The following SLC46A2 variants were observed in gnomAD, a reference collection of about 807,000 sequenced individuals.
SLC46A2 encodes thymic stromal co-transporter.
In SLC46A2, 25 loss-of-function variants were observed where a neutral mutation model predicts 33.1. The ratio of observed to expected loss-of-function variants is 0.76; its 90% CI spans 0.55 to 1.06. SLC46A2 has a LOEUF of 1.06. Among genes scored for constraint, SLC46A2 ranks in the 50% least tolerant of loss-of-function variants. SLC46A2 has a pLI of 0.00. For missense variants in SLC46A2, 622 were observed against 621.7 expected (o/e 1.00, Z 0.00); for synonymous variants, 254 against 275.9 (o/e 0.92, Z 0.79).
rs186751694 is a variant in SLC46A2 at position 112,887,329 on chromosome 9, C to T, written c.1213+1G>A. 2.0e-5 allele frequency: 32 copies of T among 1,611,544 alleles called. No homozygotes were observed. The Admixed American group carries it at 3.7e-4, about 19-fold the overall frequency. ...CCAGAGAGATTCTGTTCACTACTCA[C>T]CATAAGAGGAGCCCTTTATGAGTTT... is the stretch of plus-strand genomic sequence containing the variant. On this transcript the variant is annotated splice_donor_variant, in intron 2 of 3. Coordinates refer to ENST00000374228, the MANE Select transcript of SLC46A2 (RefSeq NM_033051.4). LOFTEE classifies it high-confidence loss of function.
At position 112,889,712 on chromosome 9, in the gene SLC46A2, T is replaced by C. The variant is rs372648155; in HGVS notation, c.970A>G (p.Met324Val). 4 of 1,613,944 alleles carry C rather than the reference T, an allele frequency of 2.5e-6. No homozygotes were observed. Among genetic ancestry groups the C allele is most frequent in the Non-Finnish European group, 3.4e-6 (4 of 1,179,992 alleles). ...ATGAAGATGGTGTACCCTGCAGCCA[T>C]ACCATAGCCCACCTGCACTTGGTTC... ...GWNQVQVGYGMAAGYTIFITS... is the reference protein window; with the variant it reads ...GWNQVQVGYGVAAGYTIFITS... The change falls in exon 1 of 4, where the codon ATG becomes GTG. Residue 324 changes from methionine (M) to valine (V), a missense_variant. Met to Val is a conservative substitution (Grantham distance 21). Transcript: ENST00000374228.
chr9:112,886,661 G>T, intron 2 of SLC46A2, 45 bp from the exon 3 acceptor site: 1 of 1,606,302 alleles, frequency 6.2e-7, no homozygotes, highest in South Asian at 1.1e-5. Flanking sequence ...TGCTGTCCCT[G>T]CCTCACTCCC....
In SLC46A2 at chr9:112,889,584, A is replaced by C. The variant is rs765007038; in HGVS notation, c.1098T>G (p.Ala366=). The C allele has an allele frequency of 2.5e-6, 4 of 1,613,326 alleles. No individual in the cohort carries two copies. In the East Asian group the frequency reaches 6.7e-5, roughly 27 times the overall value. ...AGAACATGTATGTCTCTTTCACAAA[A>C]GCCAAGAGGAGGGCTCCTGACCCAA... ...VSFGSGALLL[A]FVKETYMFYI... Residue 366 remains alanine (A), a synonymous_variant, in exon 1 of 4, where the codon GCT becomes GCG. Transcript: ENST00000374228.
chr9:112,890,620 C>T lies in SLC46A2; in HGVS notation c.62G>A (p.Trp21Ter), dbSNP rs994271300. 6.2e-7 allele frequency: 1 copy of T among 1,605,800 alleles called. No individual in the cohort carries two copies. Among genetic ancestry groups the T allele is most frequent in the Non-Finnish European group, 8.5e-7 (1 of 1,179,902 alleles). Residue 21 changes from tryptophan (W) to a stop codon, truncating the protein, a stop_gained, in exon 1 of 4, where the codon TGG (tryptophan) becomes TAG (stop). Coordinates refer to ENST00000374228, the MANE Select transcript of SLC46A2 (RefSeq NM_033051.4). LOFTEE classifies it high-confidence loss of function. This position sits in a 1 kb window ranked among gnomAD's most constrained non-coding sequence, Gnocchi z 6.0. ...GHLPRFHPRT[W>*]VEPVVASSQV... ...GGACGAGGCCACCACGGGCTCAACCCAGGTCCTCGGGTGGAAGCGAGGCAG... is the reference window on the plus strand; with the variant it reads ...GGACGAGGCCACCACGGGCTCAACCTAGGTCCTCGGGTGGAAGCGAGGCAG...
rs1017761303 is a variant in SLC46A2, at chr9:112,879,808, T to C, written c.1382A>G (p.Tyr461Cys). The C allele has an allele frequency of 6.2e-7, 1 of 1,613,202 alleles. No homozygotes were observed. Among genetic ancestry groups the C allele is most frequent in the African/African-American group, 1.3e-5 (1 of 75,020 alleles). Residue 461 changes from tyrosine (Y) to cysteine (C), a missense_variant, in exon 4 of 4, where the codon TAT (tyrosine) becomes TGT (cysteine). Transcript: ENST00000374228. The part of the protein sequence containing the change: ...LAIIPISIVA[Y>C]KQVPLSPYGD... ...ATATGGTGACAATGGGACTTGTTTA[T>C]AGGCCACGATGCTGTAAGAATTGAC...
rs1372525040 is a variant in SLC46A2 at position 112,890,267 on chromosome 9, C to T, written c.415G>A (p.Ala139Thr). 1.9e-6 allele frequency: 3 copies of T among 1,613,430 alleles called. No individual in the cohort carries two copies. Among genetic ancestry groups the T allele is most frequent in the South Asian group, 1.1e-5 (1 of 91,084 alleles). Residue 139 changes from alanine (A) to threonine (T), a missense_variant, in exon 1 of 4, where the codon GCG becomes ACG. Coordinates refer to ENST00000374228, the MANE Select transcript of SLC46A2 (RefSeq NM_033051.4). This position sits in a 1 kb window ranked among gnomAD's most constrained non-coding sequence, Gnocchi z 6.0. ...LDWPVEVLYG[A>T]AALNGLFGGF... ...CCGAATAGCCCGTTCAGCGCCGCCGCCCCGTACAGCACCTCCACTGGCCAG... is the reference window on the plus strand; with the variant it reads ...CCGAATAGCCCGTTCAGCGCCGCCGTCCCGTACAGCACCTCCACTGGCCAG...
intron 3 of SLC46A2, among the ~76,000 whole-genome samples, chr9:112,884,231 C>T (rs1393318563): frequency 6.6e-6 from 1 of 152,248 alleles, no homozygotes; most frequent in African/African-American, 2.4e-5. Flanking sequence ...TGGGATCTCT[C>T]CTGGCATCGA....
chr9:112,882,600 G>C (rs938818132), intron 3 of SLC46A2, among the ~76,000 whole-genome samples: 1 of 152,168 alleles, frequency 6.6e-6, no homozygotes, highest in Non-Finnish European at 1.5e-5. Context: ...CTCTGGATTA[G>C]GGGGTAGCAG....
rs889421706 is a variant in SLC46A2, at chr9:112,879,665, C to G, written c.*97G>C. On this transcript the variant is annotated 3_prime_UTR_variant, in exon 4 of 4. Transcript: ENST00000374228. ...CTGGCTGGAACGCAGGTTTCTTAAGCAGTGGGTTGCTTAGGTCACCAGTTC... is the reference window on the plus strand; with the variant it reads ...CTGGCTGGAACGCAGGTTTCTTAAGGAGTGGGTTGCTTAGGTCACCAGTTC... The G allele has an allele frequency of 8.9e-7, 1 of 1,126,792 alleles. No homozygotes were observed. The highest frequency in any genetic ancestry group is 1.5e-5 in the African/African-American group (1 of 65,146). The allele number at this position is 1,126,792 out of a possible 1,614,324, so 69.8% of individuals were successfully genotyped here.
intron 3 of SLC46A2, chr9:112,885,499 C>T (rs1295296049): frequency 6.6e-6 from 1 of 151,420 alleles, no homozygotes. Context: ...ATGAGAGAAC[C>T]TCACTTCAAA....
At chr9:112,883,398 G>C (rs1347207310) in intron 3 of SLC46A2, among the ~76,000 whole-genome samples, 1 of 152,096 alleles carries the variant, frequency 6.6e-6, no homozygotes, top group Non-Finnish European at 1.5e-5. Context: ...TTCAAATCCT[G>C]TCTCTGCCAC....
chr9:112,880,985 T>C (rs76294543), intron 3 of SLC46A2, among the ~76,000 whole-genome samples: 1,860 of 152,334 alleles, frequency 0.012, 31 homozygotes, highest in African/African-American at 0.043. Context: ...CACTTCTGCC[T>C]GAGGATGAAC....
Position 112,886,529 on chromosome 9 carries a change from A to C in SLC46A2, c.1301T>G (p.Met434Arg). 1 of 1,614,194 alleles carries C rather than the reference A, an allele frequency of 6.2e-7. No individual in the cohort carries two copies. Among genetic ancestry groups the C allele is most frequent in the Non-Finnish European group, 8.5e-7 (1 of 1,180,020 alleles). The change falls in exon 3 of 4, where the codon ATG (methionine) becomes AGG (arginine). Residue 434 changes from methionine to arginine, a missense_variant. By Grantham distance (91) the Met-to-Arg change is moderately conservative. Coordinates refer to ENST00000374228, the MANE Select transcript of SLC46A2 (RefSeq NM_033051.4). ...TLYNKIYQLT[M>R]DMFVGSCFAL... Reference sequence around the variant, plus strand: ...AAAGCAGGAGCCCACAAACATGTCCATGGTGAGCTGGTAGATCTTGTTGTA... The same window carrying C: ...AAAGCAGGAGCCCACAAACATGTCCCTGGTGAGCTGGTAGATCTTGTTGTA...
intron 3 of SLC46A2, among the ~76,000 whole-genome samples, chr9:112,884,629 T>A (rs1473922148): frequency 6.6e-6 from 1 of 152,228 alleles, no homozygotes; most frequent in Non-Finnish European, 1.5e-5. Context: ...AGCAGTCAAT[T>A]TAAAATCTGG....
chr9:112,884,279 C>T (rs958192974), intron 3 of SLC46A2, among the ~76,000 whole-genome samples: 52 of 152,194 alleles, frequency 3.4e-4, no homozygotes, highest in African/African-American at 1.2e-3. Context: ...CCAGCCTCTG[C>T]CCTCTGAGTC....
Position 112,890,415 on chromosome 9 carries a change from G to A in SLC46A2, c.267C>T (p.Pro89=). The A allele has an allele frequency of 1.2e-6, 2 of 1,614,230 alleles. No homozygotes were observed. Among genetic ancestry groups the A allele is most frequent in the South Asian group, 1.1e-5 (1 of 91,088 alleles). ...IIYNLVVGLS[P]LLSAYGLGWL... ...ATCCCAGCCCGTAGGCGGACAGCAG[G>A]GGGGACAGGCCCACCACAAGGTTGT... Residue 89 remains proline (P), a synonymous_variant, in exon 1 of 4, where the codon CCC becomes CCT. Transcript: ENST00000374228. The surrounding 1 kb of genome is among the most constrained non-coding windows in gnomAD (Gnocchi z 6.0).
chr9:112,890,809 C>A lies in SLC46A2; in HGVS notation c.-128G>T. The A allele has an allele frequency of 9.1e-7, 1 of 1,102,254 alleles. No individual in the cohort carries two copies. The highest frequency in any genetic ancestry group is 1.6e-5 in the South Asian group (1 of 61,374). 68.3% of individuals were successfully genotyped at this position (1,102,254 alleles called of 1,614,324 possible). A position where few individuals can be genotyped will look rare whatever the true frequency, so the allele number is the denominator to read the frequency against. On this transcript the variant is annotated 5_prime_UTR_variant, in exon 1 of 4. Coordinates refer to ENST00000374228, the MANE Select transcript of SLC46A2 (RefSeq NM_033051.4). The surrounding 1 kb of genome is among the most constrained non-coding windows in gnomAD (Gnocchi z 6.0). ...GAGTGTGCTCCGTGCGCCGGGAGCG[C>A]GAGTGTGCTCCGTGCGCCGGGAGCG...
At chr9:112,886,716 T>TTC in intron 2 of SLC46A2, 100 bp from the exon 3 acceptor site, 1 of 1,246,380 alleles carries the variant, frequency 8.0e-7, no homozygotes, top group Non-Finnish European at 1.1e-6. Flanking sequence ...CCTTCCTTCT[T>TTC]ACTCTCTCTC....
At chr9:112,886,747 CAG>C (rs1841647580) in intron 2 of SLC46A2, 131 bp from the exon 3 acceptor site, 1 of 954,180 alleles carries the variant, frequency 1.0e-6, no homozygotes, top group African/African-American at 1.6e-5. Flanking sequence ...TTTTTAGAGA[CAG>C]AGTCTTACTC....
Sources: allele counts gnomAD v4.1 joint callset (sites outside exome capture counted in the v4.1 genomes callset), GRCh38; gene constraint gnomAD v4.1.1; non-coding constraint Gnocchi (gnomAD v3.1); transcripts MANE v1.5; gene names NCBI Gene and HGNC (gene_info 2026-07-23, HGNC 2026-07-21).